DENND4A: variants seen among roughly 807,000 people sequenced by gnomAD.
DENND4A encodes the protein DENN domain containing 4A.
Under a neutral mutation model 199.3 loss-of-function variants are expected in DENND4A, and 70 were observed. The ratio of observed to expected loss-of-function variants is 0.35; its 90% CI spans 0.29 to 0.43. DENND4A has a LOEUF of 0.43. Among genes scored for constraint, DENND4A ranks in the 20% least tolerant of loss-of-function variants. The pLI is 1.00. For synonymous variants in DENND4A, 686 were observed against 766.9 expected (o/e 0.89, Z 1.74); for missense variants, 1,723 against 2,255.8 (o/e 0.76, Z 4.78).
chr15:65,715,169 C>T (rs1325377640), intron 14 of DENND4A: 5 of 200,364 alleles, frequency 2.5e-5, no homozygotes, highest in Middle Eastern at 1.9e-3. Context: ...AAATCACAGA[C>T]GTTCAAGTTG....
intron 7 of DENND4A, among the ~76,000 whole-genome samples, chr15:65,733,456 T>C (rs1183896669): frequency 6.6e-6 from 1 of 152,174 alleles, no homozygotes. Flanking sequence ...AGTCTGAATA[T>C]GTTTGTATTA....
chr15:65,743,415 T>C (rs1259064283), intron 4 of DENND4A, among the ~76,000 whole-genome samples: 1 of 152,218 alleles, frequency 6.6e-6, no homozygotes, highest in African/African-American at 2.4e-5. Flanking sequence ...ATTCTTTGCC[T>C]GTGATATCTG....
chr15:65,668,835 A>T (rs961152007), intron 27 of DENND4A, among the ~76,000 whole-genome samples: 2 of 151,990 alleles, frequency 1.3e-5, no homozygotes, highest in African/African-American at 4.8e-5. Context: ...AAAAAAAAAG[A>T]ATCAGAGCTA....
intron 1 of DENND4A, chr15:65,771,929 T>C: frequency 6.2e-7 from 1 of 1,608,758 alleles, no homozygotes; most frequent in Non-Finnish European, 8.5e-7. Context: ...GCAAGCTTTC[T>C]ATAAGCTTTT....
intron 13 of DENND4A, among the ~76,000 whole-genome samples, chr15:65,716,148 C>T (rs2075390943): frequency 6.6e-6 from 1 of 152,060 alleles, no homozygotes; most frequent in Non-Finnish European, 1.5e-5. Flanking sequence ...AAGCTCTTTC[C>T]AGTCTCAGGG....
intron 7 of DENND4A, 127 bp downstream of exon 7, chr15:65,737,576 GAAAT>G: frequency 1.1e-6 from 1 of 932,970 alleles, no homozygotes; most frequent in African/African-American, 1.7e-5. Context: ...CTACCTGACT[GAAAT>G]AAACCATTTT....
rs531004079 is a variant in DENND4A, at chr15:65,716,655, T to C, written c.1808-1032A>G. The stretch of plus-strand genomic sequence containing the variant: ...TAATCCAGTCTATCATTGTTGGACA[T>C]TTGGGTTGGTTCCAAGTCTTTGTTA... On this transcript the variant is annotated intron_variant, in intron 13 of 32. Transcript: ENST00000443035. Among the ~76,000 whole-genome samples, 5 of 152,140 alleles carry C rather than the reference T, an allele frequency of 3.3e-5. No individual in the cohort carries two copies. In the East Asian group the frequency reaches 5.8e-4, roughly 18 times the overall value.
At chr15:65,739,947 G>A (rs931114419) in intron 5 of DENND4A, among the ~76,000 whole-genome samples, 2 of 152,118 alleles carry the variant, frequency 1.3e-5, no homozygotes, top group Admixed American at 6.6e-5. Flanking sequence ...TTGGGAGGCC[G>A]AGGCGGACAG....
rs1386643966 is a variant in DENND4A at position 65,669,789 on chromosome 15, C to A, written c.4777G>T (p.Asp1593Tyr). Residue 1593 changes from aspartate to tyrosine, a missense_variant, in exon 27 of 33, where the codon GAT becomes TAT. This residue lies in a region of DENND4A where 141 missense variants were observed against 170.7 expected (regional missense o/e 0.83). Coordinates refer to ENST00000443035, the MANE Select transcript of DENND4A (RefSeq NM_001320835.1). ...CATAATCATAATTACCTATTTAGAT[C>A]AAAATTCCCTTGAACAGAGAGAGCA... ...TSALSVQGNF[D>Y]LNSKSKLQEN... 1 of 1,609,820 alleles carries A rather than the reference C, an allele frequency of 6.2e-7. No individual in the cohort carries two copies. Among genetic ancestry groups the A allele is most frequent in the Admixed American group, 1.7e-5 (1 of 59,714 alleles).
chr15:65,689,865 A>G (rs535381783), intron 23 of DENND4A, among the ~76,000 whole-genome samples: 1 of 152,324 alleles, frequency 6.6e-6, no homozygotes, highest in African/African-American at 2.4e-5. Context: ...GCCCATAATG[A>G]GCAAATCCCC....
rs751661888 is a variant in DENND4A, at chr15:65,752,426, G to C, written c.514C>G (p.Pro172Ala). ...CIIIPSKGESPPHTFCKVDKN... is the reference protein window; with the variant it reads ...CIIIPSKGESAPHTFCKVDKN... ...TCGACTTTGCAGAACGTGTGTGGTG[G>C]GCTTTCTCCTTTACTGGGTATAATA... The change falls in exon 4 of 33, where the codon CCA (proline) becomes GCA (alanine). Residue 172 changes from proline to alanine, a missense_variant. By Grantham distance (27) the Pro-to-Ala change is conservative. Around this residue, in one of 6 missense-constraint regions of DENND4A, gnomAD observed 725 missense variants for 952.9 expected, o/e 0.76. Transcript: ENST00000443035. 2 of 1,613,198 alleles carry C rather than the reference G, an allele frequency of 1.2e-6. No homozygotes were observed. Among genetic ancestry groups the C allele is most frequent in the Non-Finnish European group, 1.7e-6 (2 of 1,179,576 alleles).
chr15:65,756,032 C>G, intron 3 of DENND4A, 108 bp downstream of exon 3: 2 of 970,702 alleles, frequency 2.1e-6, no homozygotes, highest in Non-Finnish European at 3.0e-6. Context: ...GTGTATTTTT[C>G]TAAATCTGCC....
intron 7 of DENND4A, among the ~76,000 whole-genome samples, chr15:65,736,165 A>C (rs1364353382): frequency 6.6e-6 from 1 of 152,216 alleles, no homozygotes; most frequent in Non-Finnish European, 1.5e-5. Context: ...TAACTTGGCA[A>C]ATCAGTATTT....
chr15:65,687,950 C>T (rs2076847873), intron 23 of DENND4A, among the ~76,000 whole-genome samples: 1 of 152,060 alleles, frequency 6.6e-6, no homozygotes, highest in African/African-American at 2.4e-5. Flanking sequence ...TTGGAGGTTT[C>T]AGCCATTATT....
intron 1 of DENND4A, chr15:65,766,795 G>A (rs1355068282): frequency 1.3e-5 from 2 of 152,106 alleles, no homozygotes; most frequent in Admixed American, 6.6e-5. Context: ...GTTCCAGACC[G>A]AAAATAAGTG....
At chr15:65,678,993 A>G (rs924272742) in intron 23 of DENND4A, among the ~76,000 whole-genome samples, 2 of 151,944 alleles carry the variant, frequency 1.3e-5, no homozygotes, top group African/African-American at 4.8e-5. Flanking sequence ...CCTGGGCTTT[A>G]TCTCTTACTT....
intron 1 of DENND4A, chr15:65,772,016 C>G (rs2077144516): frequency 1.4e-6 from 2 of 1,433,262 alleles, no homozygotes; most frequent in Non-Finnish European, 1.9e-6. Context: ...ATGCGCAGGC[C>G]AAGGGCAGTG....
In DENND4A at chr15:65,752,298, AAAAAAAAAAAAAAAAG is replaced by A; in HGVS notation, c.561+65_561+80del. Reference sequence around the variant, plus strand: ...CTGTTTTCCAAAAAAAAAAAAAAAAAAAAAAAAAAAAAAAAGATGTATTTAAAATTATGCTCTTTTC... The same window carrying A: ...CTGTTTTCCAAAAAAAAAAAAAAAAAATGTATTTAAAATTATGCTCTTTTC... On this transcript the variant is annotated intron_variant, in intron 4 of 32. Coordinates refer to ENST00000443035, the MANE Select transcript of DENND4A (RefSeq NM_001320835.1). The A allele has an allele frequency of 3.1e-6, 2 of 646,198 alleles. 1 individual carries two copies. Among genetic ancestry groups the A allele is most frequent in the Middle Eastern group, 8.4e-4 (2 of 2,372 alleles). 40.0% of individuals were successfully genotyped at this position (646,198 alleles called of 1,614,324 possible).
rs137988748 is a variant in DENND4A, at chr15:65,700,095, G to A, written c.2833+449C>T. Among the ~76,000 whole-genome samples the A allele has an allele frequency of 1.3e-3, 191 of 152,072 alleles. 1 individual carries two copies. The highest frequency in any genetic ancestry group is 6.8e-3 in the Middle Eastern group (2 of 294). On this transcript the variant is annotated intron_variant, in intron 20 of 32. Transcript: ENST00000443035. Reference sequence around the variant, plus strand: ...AGAGTTCCTTGGTACAATTCACCTAGCTTCCCCCCATGATAATACCTTACA... The same window carrying A: ...AGAGTTCCTTGGTACAATTCACCTAACTTCCCCCCATGATAATACCTTACA...
Sources: allele counts gnomAD v4.1 joint callset (sites outside exome capture counted in the v4.1 genomes callset), GRCh38; gene constraint gnomAD v4.1.1; regional missense constraint gnomAD v4.1.1; transcripts MANE v1.5; gene names NCBI Gene and HGNC (gene_info 2026-07-23, HGNC 2026-07-21).